DOCK9: variants seen among roughly 807,000 people sequenced by gnomAD.
DOCK9 encodes dedicator of cytokinesis 9.
A neutral mutation model predicts 263.3 loss-of-function variants in DOCK9; 89 were observed. That is an observed-to-expected ratio of 0.34 (90% CI 0.28 to 0.40). The LOEUF is 0.40. Ranked by LOEUF, DOCK9 falls within the 10% of genes least tolerant of loss-of-function variation. The probability of loss-of-function intolerance (pLI) is 1.00; values close to 1 mark genes in which losing one functional copy is unlikely to be tolerated. For synonymous variants in DOCK9, 976 were observed against 973.1 expected, an observed-to-expected ratio of 1.00 and a Z score of -0.06; for missense variants, 2,140 against 2,603.4, an observed-to-expected ratio of 0.82 and a Z score of 3.87.
At chr13:99,016,987 A>G (rs1885497173) in intron 1 of DOCK9, among the ~76,000 whole-genome samples, 1 of 152,198 alleles carries the variant, frequency 6.6e-6, no homozygotes, top group African/African-American at 2.4e-5. Flanking sequence ...TCTGTTTTCT[A>G]TGAGTAGTTT....
chr13:99,053,603 T>C (rs1407264703), intron 1 of DOCK9, among the ~76,000 whole-genome samples: 3 of 152,180 alleles, frequency 2.0e-5, no homozygotes, highest in Non-Finnish European at 4.4e-5. Context: ...AGGAGAAACC[T>C]CTGTAACTCA....
intron 1 of DOCK9, among the ~76,000 whole-genome samples, chr13:99,071,331 T>G (rs1056248868): frequency 9.6e-6 from 1 of 104,140 alleles, no homozygotes; most frequent in East Asian, 3.9e-4. Context: ...TTTTTTTTTT[T>G]TGCCATGTTG....
At chr13:98,872,860 C>T (rs897702232) in intron 27 of DOCK9, among the ~76,000 whole-genome samples, 9 of 152,190 alleles carry the variant, frequency 5.9e-5, no homozygotes, top group African/African-American at 2.2e-4. Context: ...TAACTCCTGG[C>T]CCCACCACTA....
chr13:98,804,878 G>T, intron 49 of DOCK9, 121 bp downstream of exon 49: 1 of 906,430 alleles, frequency 1.1e-6, no homozygotes, highest in Non-Finnish European at 1.7e-6. Context: ...AACTGAAATG[G>T]GTGTGGGGGT....
chr13:98,810,795 T>C (rs1472791146), intron 45 of DOCK9, among the ~76,000 whole-genome samples: 2 of 152,216 alleles, frequency 1.3e-5, no homozygotes, highest in African/African-American at 4.8e-5. Context: ...GGGTAGTTAC[T>C]CTGCTTCCAC....
chr13:98,891,812 A>C (rs1051045691), intron 15 of DOCK9, among the ~76,000 whole-genome samples: 1 of 33,544 alleles, frequency 3.0e-5, no homozygotes, highest in African/African-American at 7.4e-5. Context: ...GGCTTTTAAA[A>C]GTTGTTTTTT....
Position 98,825,790 on chromosome 13 carries a change from T to G in DOCK9, c.5023+1040A>C. The G allele has an allele frequency of 1.0e-6, 1 of 959,440 alleles. No individual in the cohort carries two copies. The highest frequency in any genetic ancestry group is 3.2e-5 in the East Asian group (1 of 31,260). 59.4% of individuals were successfully genotyped at this position (959,440 alleles called of 1,614,324 possible). A position where few individuals can be genotyped will look rare whatever the true frequency, so the allele number is the denominator to read the frequency against. On this transcript the variant is annotated intron_variant, in intron 44 of 52. Coordinates refer to ENST00000682017, the MANE Select transcript of DOCK9 (RefSeq NM_001366683.2). The surrounding 1 kb of genome is among the most constrained non-coding windows in gnomAD (Gnocchi z 4.1). ...AGAGTGAAGTCTGTCCATGCAAAGT[T>G]AAAAGGGCAAATCCCCCACCACGGG...
chr13:98,935,196 G>A (rs2054616655), intron 2 of DOCK9, among the ~76,000 whole-genome samples: 1 of 152,154 alleles, frequency 6.6e-6, no homozygotes, highest in Non-Finnish European at 1.5e-5. Flanking sequence ...AGTACAAAAT[G>A]AAGAGAAACA....
intron 1 of DOCK9, among the ~76,000 whole-genome samples, chr13:99,033,194 T>C (rs1243095803): frequency 1.3e-5 from 2 of 152,218 alleles, no homozygotes; most frequent in Admixed American, 6.5e-5. Flanking sequence ...ATTTCTTATA[T>C]AGCATATCAT....
intron 38 of DOCK9, among the ~76,000 whole-genome samples, chr13:98,840,365 G>A (rs2093166581): frequency 6.6e-6 from 1 of 152,228 alleles, no homozygotes; most frequent in Non-Finnish European, 1.5e-5. Flanking sequence ...TTCAGGGACA[G>A]AGCTGCAGGA....
intron 1 of DOCK9, among the ~76,000 whole-genome samples, chr13:99,084,705 T>C (rs917907952): frequency 6.6e-6 from 1 of 152,240 alleles, no homozygotes; most frequent in Non-Finnish European, 1.5e-5. Context: ...TTGGAAATCA[T>C]GGCACACTGG....
rs1309782271 is a variant in DOCK9 at position 98,868,010 on chromosome 13, C to T, written c.3092G>A (p.Arg1031Lys). The T allele has an allele frequency of 8.1e-6, 13 of 1,613,126 alleles. No homozygotes were observed. Among genetic ancestry groups the T allele is most frequent in the Non-Finnish European group, 1.0e-5 (12 of 1,179,586 alleles). Reference protein sequence around the residue: ...ANHSLAVFIKRCFTFMDRGFV... With the variant: ...ANHSLAVFIKKCFTFMDRGFV... ...GCCCCTGTCCATGAAGGTGAAACAT[C>T]TCTGTGGAGGAAAACAAGCAAAAAA... The change falls in exon 29 of 53, where the codon AGA (arginine) becomes AAA (lysine). Residue 1031 changes from arginine (R) to lysine (K), a missense_variant and splice_region_variant. Physicochemically the swap from Arg to Lys is conservative, Grantham distance 26 (BLOSUM62 2). Around this residue, in one of 2 missense-constraint regions of DOCK9, gnomAD observed 1,521 missense variants for 1,741.7 expected, o/e 0.87. Transcript: ENST00000682017.
chr13:98,797,985 G>A (rs550166057), intron 50 of DOCK9, among the ~76,000 whole-genome samples: 1 of 152,286 alleles, frequency 6.6e-6, no homozygotes, highest in South Asian at 2.1e-4. Context: ...AGACAGCCAT[G>A]GGCAAACTGA....
At chr13:98,824,641 T>A in intron 44 of DOCK9, 137 bp from the exon 45 acceptor site, 1 of 711,702 alleles carries the variant, frequency 1.4e-6, no homozygotes, top group Admixed American at 2.4e-5. Flanking sequence ...CAGGCCAGCA[T>A]TCACGGGGGT....
intron 1 of DOCK9, among the ~76,000 whole-genome samples, chr13:98,972,579 C>G (rs1000819154): frequency 3.3e-5 from 5 of 152,150 alleles, no homozygotes; most frequent in African/African-American, 9.7e-5. Context: ...CCCAAAGATT[C>G]CTTCCACCGA....
At chr13:98,922,292 C>CTTT (rs1191637459) in intron 5 of DOCK9, 146 bp from the exon 6 acceptor site, 27 of 555,126 alleles carry the variant, frequency 4.9e-5, no homozygotes, top group Admixed American at 8.6e-5. Context: ...CCAATGCCTA[C>CTTT]AAGTCACATA....
chr13:98,806,712 C>T (rs907634083), intron 48 of DOCK9, among the ~76,000 whole-genome samples: 29 of 152,076 alleles, frequency 1.9e-4, no homozygotes, highest in Non-Finnish European at 4.4e-5. Flanking sequence ...AGTTGGAGAA[C>T]AACCTGGCCA....
intron 1 of DOCK9, among the ~76,000 whole-genome samples, chr13:99,081,070 G>A (rs2042104903): frequency 6.6e-6 from 1 of 152,156 alleles, no homozygotes; most frequent in Non-Finnish European, 1.5e-5. Flanking sequence ...AGTCCAAGAT[G>A]GGCCTCCACC....
intron 1 of DOCK9, among the ~76,000 whole-genome samples, chr13:98,972,526 C>T: frequency 6.6e-6 from 1 of 152,158 alleles, no homozygotes; most frequent in East Asian, 1.9e-4. Flanking sequence ...CCAGGCCTGG[C>T]ATGGTAATTA....
Sources: allele counts gnomAD v4.1 joint callset (sites outside exome capture counted in the v4.1 genomes callset), GRCh38; gene constraint gnomAD v4.1.1; regional missense constraint gnomAD v4.1.1; non-coding constraint Gnocchi (gnomAD v3.1); transcripts MANE v1.5; gene names NCBI Gene and HGNC (gene_info 2026-07-23, HGNC 2026-07-21).